CCDC59: variants seen among roughly 807,000 people sequenced by gnomAD.
The protein encoded by CCDC59 is coiled-coil domain containing 59.
In CCDC59, 27 loss-of-function variants were observed where a neutral mutation model predicts 30.5. The observed-to-expected ratio is 0.89, with a 90% CI of 0.65 to 1.22. The LOEUF (loss-of-function observed/expected upper bound fraction) is 1.22. CCDC59 is among the 50% of genes most tolerant of loss of function. The pLI is 0.00. For synonymous variants in CCDC59, 125 were observed against 100.9 expected (o/e 1.24, Z -1.43); for missense variants, 362 against 284.4 (o/e 1.27, Z -1.96).
At chr12:82,357,314 G>A (rs1306357980) in intron 1 of CCDC59, 45 bp from the exon 2 acceptor site, 11 of 1,508,474 alleles carry the variant, frequency 7.3e-6, no homozygotes, top group Non-Finnish European at 1.0e-5. Flanking sequence ...GAGAAAAGAA[G>A]TTGAACGAAG....
At chr12:82,358,480 C>T, upstream of CCDC59, 1 of 1,596,832 alleles carries the variant, frequency 6.3e-7, no homozygotes, top group Non-Finnish European at 8.5e-7. Flanking sequence ...GCTCGGAGCT[C>T]TACTGAGCCT....
intron 1 of CCDC59, 191 bp from the exon 2 acceptor site, chr12:82,357,460 A>T: frequency 1.7e-6 from 1 of 584,070 alleles, no homozygotes; most frequent in Non-Finnish European, 3.0e-6. Context: ...GGCCCTTTGC[A>T]AAAAGACCAG....
chr12:82,355,605 A>C (rs1407704505), intron 2 of CCDC59: 1 of 152,226 alleles, frequency 6.6e-6, no homozygotes. Flanking sequence ...AAAGGCATTA[A>C]ATTCCCAAGT....
Position 82,353,091 on chromosome 12 carries a change from GCACATGTCA to G in CCDC59, c.*51_*59del. The G allele has an allele frequency of 7.4e-7, 1 of 1,348,754 alleles. No homozygotes were observed. The highest frequency in any genetic ancestry group is 1.5e-5 in the African/African-American group (1 of 68,442). 83.5% of individuals were successfully genotyped at this position (1,348,754 alleles called of 1,614,324 possible). A position where few individuals can be genotyped will look rare whatever the true frequency, so the allele number is the denominator to read the frequency against. ...GACAAATTTAGTTCACTGCTGGGAG[GCACATGTCA>G]CAGAAGAACCTAATAGGCAGCAGAT... On this transcript the variant is annotated 3_prime_UTR_variant, in exon 4 of 4. Transcript: ENST00000256151.
intron 3 of CCDC59, 30 bp from the exon 4 acceptor site, chr12:82,353,342 T>A (rs750853714): frequency 1.3e-5 from 20 of 1,552,254 alleles, no homozygotes; most frequent in South Asian, 8.3e-5. Flanking sequence ...TAACTTTCAT[T>A]AGCAACAAAC....
chr12:82,358,406 C>T (rs1470053942), upstream of CCDC59: 2 of 1,610,786 alleles, frequency 1.2e-6, no homozygotes, highest in Middle Eastern at 1.6e-4. Context: ...CATCAGAAGA[C>T]CACGACGGAC....
chr12:82,358,537 G>A (rs1476086251), upstream of CCDC59: 3 of 1,602,550 alleles, frequency 1.9e-6, no homozygotes, highest in East Asian at 2.2e-5. Context: ...CCATGTTTGC[G>A]CCACCTACAG....
At chr12:82,353,798 C>T (rs1166638131) in intron 3 of CCDC59, among the ~76,000 whole-genome samples, 1 of 152,044 alleles carries the variant, frequency 6.6e-6, no homozygotes, top group African/African-American at 2.4e-5. Context: ...AGCAAAATTA[C>T]ATATCTTTAG....
intron 2 of CCDC59, chr12:82,355,707 T>G (rs746495428): frequency 2.0e-5 from 3 of 152,164 alleles, no homozygotes; most frequent in Non-Finnish European, 4.4e-5. Context: ...TCTTGGAACA[T>G]CTTCCAAACA....
chr12:82,356,640 A>G (rs1881027952), intron 2 of CCDC59, among the ~76,000 whole-genome samples: 1 of 152,232 alleles, frequency 6.6e-6, no homozygotes, highest in Non-Finnish European at 1.5e-5. Flanking sequence ...GACTAAAATT[A>G]TAACACCTCT....
At chr12:82,358,680 G>T (rs975404727), upstream of CCDC59, 34 of 1,614,176 alleles carry the variant, frequency 2.1e-5, no homozygotes, top group Non-Finnish European at 2.7e-5. Context: ...TGCACATACC[G>T]TGGATTTCTA....
chr12:82,358,443 A>G, upstream of CCDC59: 1 of 1,606,290 alleles, frequency 6.2e-7, no homozygotes, highest in Non-Finnish European at 8.5e-7. Context: ...ACCAAGCCGA[A>G]GCAATCAATC....
At chr12:82,358,790 G>C (rs138439117), upstream of CCDC59, 15 of 1,613,534 alleles carry the variant, frequency 9.3e-6, no homozygotes, top group African/African-American at 1.9e-4. Context: ...TGCCCTCAGA[G>C]ACGCGCCCCC....
At chr12:82,354,768 G>A in intron 2 of CCDC59, 174 bp from the exon 3 acceptor site, 1 of 449,674 alleles carries the variant, frequency 2.2e-6, no homozygotes, top group Non-Finnish European at 3.6e-6. Flanking sequence ...ATCCTAAAAT[G>A]TTAAAAAAAA....
chr12:82,358,502 T>C, upstream of CCDC59: 1 of 1,596,864 alleles, frequency 6.3e-7, no homozygotes, highest in South Asian at 1.1e-5. Flanking sequence ...CCTGTGCTAA[T>C]TTGGGCCGAG....
At chr12:82,357,497 A>G (rs547467346) in intron 1 of CCDC59, among the ~76,000 whole-genome samples, 1 of 152,376 alleles carries the variant, frequency 6.6e-6, no homozygotes, top group East Asian at 1.9e-4. Context: ...AAATCCAAGT[A>G]AGAATCTCAA....
At chr12:82,357,382 G>A (rs1321856764) in intron 1 of CCDC59, 113 bp from the exon 2 acceptor site, 11 of 846,382 alleles carry the variant, frequency 1.3e-5, no homozygotes, top group Non-Finnish European at 2.0e-5. Context: ...TCAGATTCTA[G>A]TATTATATTT....
In CCDC59 at chr12:82,354,516, G is replaced by C. The variant is rs374928926; in HGVS notation, c.543C>G (p.Ala181=). ...KAQEEYEQIQ[A]KRAAKKQEFE... ...TTACTTGTTTCTTAGCAGCACGTTT[G>C]GCTTGTATCTGTTCATATTCTTCTT... Residue 181 remains alanine, a synonymous_variant, in exon 3 of 4, where the codon GCC becomes GCG. Coordinates refer to ENST00000256151, the MANE Select transcript of CCDC59 (RefSeq NM_014167.5). 16 of 1,595,488 alleles carry C rather than the reference G, an allele frequency of 1.0e-5. No individual in the cohort carries two copies. The highest frequency in any genetic ancestry group is 1.3e-5 in the African/African-American group (1 of 74,172).
Position 82,358,303 on chromosome 12 carries a change from A to G in CCDC59, c.74T>C (p.Val25Ala), listed in dbSNP as rs779081570. ...IEARGEGVSTVGYRNKNVRQK... is the reference protein window; with the variant it reads ...IEARGEGVSTAGYRNKNVRQK... ...TCTCACATTCTTATTCCTGTACCCGACAGTGGAAACCCCTTCACCACGCGC... is the reference window on the plus strand; with the variant it reads ...TCTCACATTCTTATTCCTGTACCCGGCAGTGGAAACCCCTTCACCACGCGC... Residue 25 changes from valine (V) to alanine (A), a missense_variant, in exon 1 of 4, where the codon GTC becomes GCC. Transcript: ENST00000256151. 13 of 1,614,174 alleles carry G rather than the reference A, an allele frequency of 8.1e-6. No homozygotes were observed. The highest frequency in any genetic ancestry group is 1.1e-5 in the Non-Finnish European group (13 of 1,180,024).
Sources: gnomAD v4.1 joint callset for allele counts (sites outside exome capture counted in the v4.1 genomes callset) on GRCh38, gnomAD v4.1.1 for gene constraint, MANE v1.5 for transcripts, NCBI Gene and HGNC (gene_info 2026-07-23, HGNC 2026-07-21) for gene names.